Variants in ABCC4 observed in about 807,000 individuals in gnomAD.
The protein encoded by ABCC4 is ATP binding cassette subfamily C member 4 (PEL blood group), also known as ATP-binding cassette sub-family C member 4.
Under a neutral mutation model 168.5 loss-of-function variants are expected in ABCC4, and 102 were observed. That is an observed-to-expected ratio of 0.61 (90% CI 0.52 to 0.71). The LOEUF (loss-of-function observed/expected upper bound fraction) is 0.71. Ranked by LOEUF, ABCC4 falls within the 30% of genes least tolerant of loss-of-function variation. ABCC4 has a pLI of 0.00. For synonymous variants in ABCC4, 617 were observed against 590.7 expected (o/e 1.04, Z -0.65); for missense variants, 1,402 against 1,605.8 (o/e 0.87, Z 2.17).
intron 25 of ABCC4, among the ~76,000 whole-genome samples, chr13:95,069,730 C>T (rs1244134880): frequency 6.6e-6 from 1 of 152,200 alleles, no homozygotes; most frequent in African/African-American, 2.4e-5. Context: ...TGGCCTAATT[C>T]ACTCAGCATA....
At chr13:95,248,563 C>T (rs2040171569) in intron 1 of ABCC4, among the ~76,000 whole-genome samples, 2 of 151,960 alleles carry the variant, frequency 1.3e-5, no homozygotes, top group South Asian at 4.2e-4. Context: ...ATGATATTAA[C>T]ATTATTAATC....
intron 1 of ABCC4, among the ~76,000 whole-genome samples, chr13:95,252,168 C>T (rs1483277098): frequency 1.1e-4 from 16 of 152,020 alleles, no homozygotes; most frequent in Admixed American, 1.0e-3. Context: ...CAAGGAGAAG[C>T]CACAAAGGCC....
chr13:95,209,281 G>A lies in ABCC4; in HGVS notation c.785+153C>T, dbSNP rs1276635324. Among the ~76,000 whole-genome samples, 3 of 152,212 alleles carry A rather than the reference G, an allele frequency of 2.0e-5. No homozygotes were observed. The East Asian group carries it at 5.8e-4, about 29-fold the overall frequency. The stretch of plus-strand genomic sequence containing the variant: ...CTTGAAGATTTGCCTTCAGCATAAG[G>A]ACAGAGGCCCCCTTGGCTGAGCCTG... On this transcript the variant is annotated intron_variant, in intron 6 of 30. Coordinates refer to ENST00000645237, the MANE Select transcript of ABCC4 (RefSeq NM_005845.5).
At chr13:95,130,502 T>A (rs2035922743) in intron 19 of ABCC4, among the ~76,000 whole-genome samples, 1 of 152,178 alleles carries the variant, frequency 6.6e-6, no homozygotes. Flanking sequence ...GGAGAAAAAG[T>A]CACACTGAGT....
intron 20 of ABCC4, among the ~76,000 whole-genome samples, chr13:95,114,021 T>C (rs1219235095): frequency 6.6e-6 from 1 of 152,238 alleles, no homozygotes; most frequent in Admixed American, 6.5e-5. Flanking sequence ...TTTATCATAA[T>C]TGATAACTAA....
chr13:95,127,091 T>C (rs558260111), intron 19 of ABCC4, among the ~76,000 whole-genome samples: 1 of 151,972 alleles, frequency 6.6e-6, no homozygotes, highest in South Asian at 2.1e-4. Context: ...AATGTTCACC[T>C]ATCCAAACGC....
intron 4 of ABCC4, among the ~76,000 whole-genome samples, chr13:95,232,734 A>G (rs1280998318): frequency 1.3e-5 from 2 of 152,100 alleles, no homozygotes; most frequent in Non-Finnish European, 2.9e-5. Context: ...AGAGATATCC[A>G]GGACTGATTT....
intron 4 of ABCC4, among the ~76,000 whole-genome samples, chr13:95,228,002 A>C (rs1594338963): frequency 6.6e-6 from 1 of 152,136 alleles, no homozygotes; most frequent in South Asian, 2.1e-4. Context: ...GAGCCACTGC[A>C]CCCGGCCCTG....
chr13:95,122,221 C>T (rs1260580922), intron 19 of ABCC4, among the ~76,000 whole-genome samples: 1 of 152,160 alleles, frequency 6.6e-6, no homozygotes, highest in African/African-American at 2.4e-5. Context: ...TTTGCTTATA[C>T]ATCCCAAATC....
chr13:95,216,239 T>C (rs950950331), intron 4 of ABCC4, among the ~76,000 whole-genome samples: 2 of 152,182 alleles, frequency 1.3e-5, no homozygotes, highest in African/African-American at 2.4e-5. Context: ...CTCATTAATG[T>C]AGAAAACTAA....
At chr13:95,126,723 ATATATATAT>A (rs2035776262) in intron 19 of ABCC4, among the ~76,000 whole-genome samples, 1 of 48,046 alleles carries the variant, frequency 2.1e-5, no homozygotes, top group Admixed American at 2.1e-4. Flanking sequence ...TTTTTGGAAT[ATATATATAT>A]ATATATATAT....
intron 3 of ABCC4, among the ~76,000 whole-genome samples, chr13:95,240,046 A>C (rs1313247581): frequency 6.6e-6 from 1 of 152,170 alleles, no homozygotes; most frequent in Non-Finnish European, 1.5e-5. Flanking sequence ...TACTCTTGCC[A>C]AAGGGAGGAG....
intron 1 of ABCC4, among the ~76,000 whole-genome samples, chr13:95,286,379 C>T (rs756270462): frequency 2.0e-5 from 3 of 151,982 alleles, no homozygotes; most frequent in Non-Finnish European, 4.4e-5. Flanking sequence ...CTCGGCCTCC[C>T]AAAGTGCTGA....
chr13:95,173,854 A>G (rs907318466), intron 13 of ABCC4, among the ~76,000 whole-genome samples: 19 of 152,362 alleles, frequency 1.2e-4, no homozygotes, highest in African/African-American at 2.4e-4. Context: ...GGGCCAGCCC[A>G]GGGAAGCTGC....
At chr13:95,170,410 G>T in intron 14 of ABCC4, 122 bp downstream of exon 14, 1 of 588,230 alleles carries the variant, frequency 1.7e-6, no homozygotes, top group Non-Finnish European at 2.9e-6. Context: ...AGTCTTTTGA[G>T]TTAATACTTA....
chr13:95,123,101 G>A (rs560129122), intron 19 of ABCC4, among the ~76,000 whole-genome samples: 2 of 152,250 alleles, frequency 1.3e-5, no homozygotes, highest in Admixed American at 6.5e-5. Context: ...GATGCTAGGT[G>A]AGACTGTCTA....
chr13:95,183,924 CAA>C (rs1221651467), intron 11 of ABCC4, among the ~76,000 whole-genome samples: 1 of 152,084 alleles, frequency 6.6e-6, no homozygotes, highest in Non-Finnish European at 1.5e-5. Flanking sequence ...AAAAAAAACC[CAA>C]AGTGACAGCG....
intron 26 of ABCC4, among the ~76,000 whole-genome samples, chr13:95,057,888 C>T (rs560802351): frequency 6.6e-6 from 1 of 152,354 alleles, no homozygotes; most frequent in African/African-American, 2.4e-5. Context: ...AGCCATTTGG[C>T]TTTCCACTCA....
At chr13:95,293,926 T>C (rs1000889993) in intron 1 of ABCC4, among the ~76,000 whole-genome samples, 1 of 151,878 alleles carries the variant, frequency 6.6e-6, no homozygotes, top group African/African-American at 2.4e-5. Flanking sequence ...ATTACAGGCA[T>C]GTGCCACCAT....
Sources: allele counts gnomAD v4.1 joint callset (sites outside exome capture counted in the v4.1 genomes callset), GRCh38; gene constraint gnomAD v4.1.1; transcripts MANE v1.5; gene names NCBI Gene and HGNC (gene_info 2026-07-23, HGNC 2026-07-21).